The following DSCAML1 variants were observed in gnomAD, a reference collection of about 807,000 sequenced individuals.
DSCAML1 encodes cell adhesion molecule DSCAML1.
DSCAML1 carries 38 observed loss-of-function variants against 200.5 expected under a neutral mutation model. That is an observed-to-expected ratio of 0.19 (90% CI 0.15 to 0.25). The LOEUF is 0.25. DSCAML1 is among the 10% of genes least tolerant of loss of function. DSCAML1 has a pLI of 1.00. For missense variants in DSCAML1, 2,223 were observed against 2,858.8 expected (o/e 0.78, Z 5.07); for synonymous variants, 1,215 against 1,165.0 (o/e 1.04, Z -0.87).
At chr11:117,662,494 C>A (rs987108393) in intron 3 of DSCAML1, among the ~76,000 whole-genome samples, 7 of 152,226 alleles carry the variant, frequency 4.6e-5, no homozygotes, top group African/African-American at 1.7e-4. Flanking sequence ...TCACGGATGA[C>A]CACTCGTCGA....
At chr11:117,565,264 G>T (rs1196819225) in intron 3 of DSCAML1, among the ~76,000 whole-genome samples, 1 of 152,162 alleles carries the variant, frequency 6.6e-6, no homozygotes, top group Non-Finnish European at 1.5e-5. Context: ...GTAAAGATCA[G>T]ATCAGTGAAT....
At chr11:117,542,138 C>A (rs569050015) in intron 3 of DSCAML1, among the ~76,000 whole-genome samples, 1 of 151,960 alleles carries the variant, frequency 6.6e-6, no homozygotes, top group Non-Finnish European at 1.5e-5. Context: ...GGTGAAACCC[C>A]GTCTCTACTA....
chr11:117,610,850 C>G lies in DSCAML1; in HGVS notation c.512-78328G>C, dbSNP rs936864665. Among the ~76,000 whole-genome samples, 98 of 149,420 alleles carry G rather than the reference C, an allele frequency of 6.6e-4. 1 individual carries two copies. The highest frequency in any genetic ancestry group is 3.2e-3 in the Admixed American group (48 of 15,010). ...AACCAAACCAAAACAACCCCCCCCC[C>G]CCACAATGTGTTCGTAGACTTCTTC... On this transcript the variant is annotated intron_variant, in intron 3 of 32. Coordinates refer to ENST00000651296, the MANE Select transcript of DSCAML1 (RefSeq NM_020693.4).
chr11:117,683,809 C>G (rs2053352679), intron 3 of DSCAML1, among the ~76,000 whole-genome samples: 1 of 152,160 alleles, frequency 6.6e-6, no homozygotes, highest in Non-Finnish European at 1.5e-5. Flanking sequence ...CCTTAAAACT[C>G]CTGGCTCATA....
At chr11:117,472,780 A>T (rs1049349761) in intron 14 of DSCAML1, among the ~76,000 whole-genome samples, 1 of 152,224 alleles carries the variant, frequency 6.6e-6, no homozygotes, top group Non-Finnish European at 1.5e-5. Flanking sequence ...GACTGAACAT[A>T]TCGTGATGGT....
At chr11:117,810,331 C>T (rs1006421515) in intron 1 of DSCAML1, among the ~76,000 whole-genome samples, 14 of 152,142 alleles carry the variant, frequency 9.2e-5, no homozygotes, top group Non-Finnish European at 1.2e-4. Context: ...TGGCAAGTCC[C>T]GCTTTTCTAG....
intron 19 of DSCAML1, among the ~76,000 whole-genome samples, chr11:117,457,277 G>A (rs966398340): frequency 6.6e-6 from 1 of 152,232 alleles, no homozygotes; most frequent in Admixed American, 6.5e-5. Flanking sequence ...TGGGGCAGAG[G>A]GCTGAAGGCT....
At chr11:117,468,306 T>TA (rs35703349) in intron 16 of DSCAML1, among the ~76,000 whole-genome samples, 1,511 of 149,446 alleles carry the variant, frequency 0.01, 30 homozygotes, top group African/African-American at 0.032. Context: ...TTCTCAATGT[T>TA]AAAAAAAAAA....
At chr11:117,688,049 G>T (rs772315559) in intron 3 of DSCAML1, among the ~76,000 whole-genome samples, 1 of 152,198 alleles carries the variant, frequency 6.6e-6, no homozygotes, top group Non-Finnish European at 1.5e-5. Context: ...GGAGGAAGGA[G>T]GGAGGAAGAA....
Position 117,737,888 on chromosome 11 carries a change from G to A in DSCAML1, c.511+38903C>T, listed in dbSNP as rs546178179. ...TGGGGACTGGGAGCAGTCCAGTGTG[G>A]TTGTGACAGCGAGTGTAGATACTTA... On this transcript the variant is annotated intron_variant, in intron 3 of 32. Transcript: ENST00000651296. Among the ~76,000 whole-genome samples the A allele has an allele frequency of 1.1e-4, 17 of 152,332 alleles. No homozygotes were observed. The South Asian group carries it at 3.3e-3, about 30-fold the overall frequency.
chr11:117,439,959 G>A (rs1039277184), intron 21 of DSCAML1, 23 bp from the exon 22 acceptor site: 7 of 1,575,934 alleles, frequency 4.4e-6, no homozygotes, highest in Non-Finnish European at 6.1e-6. Flanking sequence ...GAGGATGAGG[G>A]CCACTCCACT....
In DSCAML1 at chr11:117,469,962, A is replaced by C. The variant is rs1181000558; in HGVS notation, c.2972T>G (p.Met991Arg). 2 of 1,606,162 alleles carry C rather than the reference A, an allele frequency of 1.2e-6. No individual in the cohort carries two copies. The change falls in exon 16 of 33, where the codon ATG (methionine) becomes AGG (arginine). Residue 991 changes from methionine to arginine, a missense_variant. Met to Arg is a moderately conservative substitution (Grantham distance 91, BLOSUM62 -1). Coordinates refer to ENST00000651296, the MANE Select transcript of DSCAML1 (RefSeq NM_020693.4). This position sits in a 1 kb window ranked among gnomAD's most constrained non-coding sequence, Gnocchi z 4.1. ...GGTCACTGGCTGCAAGGTAACATCC[A>C]TGGGGGGCCCATCGGGAGCTGAGCA... ...TEEAAPDGPP[M>R]DVTLQPVTSQ...
intron 3 of DSCAML1, among the ~76,000 whole-genome samples, chr11:117,608,305 A>G (rs993531019): frequency 9.9e-5 from 15 of 152,176 alleles, no homozygotes; most frequent in African/African-American, 3.4e-4. Flanking sequence ...TTTATTGAAT[A>G]TTTTTTTCTG....
intron 3 of DSCAML1, among the ~76,000 whole-genome samples, chr11:117,543,863 T>C (rs1346416716): frequency 6.6e-6 from 1 of 152,132 alleles, no homozygotes; most frequent in African/African-American, 2.4e-5. Flanking sequence ...GGCAGGTCTA[T>C]GATGCGTATG....
chr11:117,521,973 G>A (rs1223206074), intron 5 of DSCAML1, among the ~76,000 whole-genome samples: 1 of 152,192 alleles, frequency 6.6e-6, no homozygotes, highest in East Asian at 1.9e-4. Flanking sequence ...CCAGCCACTC[G>A]CTGCTCAGAA....
At chr11:117,492,123 T>A (rs2049193374) in intron 11 of DSCAML1, among the ~76,000 whole-genome samples, 1 of 151,876 alleles carries the variant, frequency 6.6e-6, no homozygotes, top group African/African-American at 2.4e-5. Flanking sequence ...TCCCCATCCC[T>A]ACCCCGAGGT....
chr11:117,691,871 G>A (rs1028925329), intron 3 of DSCAML1, among the ~76,000 whole-genome samples: 19 of 152,056 alleles, frequency 1.2e-4, no homozygotes, highest in African/African-American at 3.9e-4. Context: ...AATCCCACCC[G>A]AGGGTGGGTG....
chr11:117,514,100 G>A (rs1454475346), intron 8 of DSCAML1, among the ~76,000 whole-genome samples: 1 of 152,212 alleles, frequency 6.6e-6, no homozygotes, highest in Non-Finnish European at 1.5e-5. Flanking sequence ...TCCAGTCTTG[G>A]GCAAAGCAGC....
chr11:117,451,883 G>A (rs1229066732), intron 19 of DSCAML1, among the ~76,000 whole-genome samples: 1 of 151,890 alleles, frequency 6.6e-6, no homozygotes, highest in Non-Finnish European at 1.5e-5. Flanking sequence ...AAATTGTAAC[G>A]ATTATTATTT....
Sources: gnomAD v4.1 joint callset for allele counts (sites outside exome capture counted in the v4.1 genomes callset) on GRCh38, gnomAD v4.1.1 for gene constraint, Gnocchi (gnomAD v3.1) non-coding constraint, MANE v1.5 for transcripts, NCBI Gene and HGNC (gene_info 2026-07-23, HGNC 2026-07-21) for gene names.